MARCHF3: variants seen among roughly 807,000 people sequenced by gnomAD.
MARCHF3 encodes the protein E3 ubiquitin-protein ligase MARCHF3.
In MARCHF3, 13 loss-of-function variants were observed where a neutral mutation model predicts 24.2. The observed-to-expected ratio is 0.54, with a 90% CI of 0.35 to 0.85. MARCHF3 has a LOEUF of 0.85. Among genes scored for constraint, MARCHF3 ranks in the 40% least tolerant of loss-of-function variants. MARCHF3 has a pLI of 0.01. For synonymous variants in MARCHF3, 144 were observed against 137.3 expected (o/e 1.05, Z -0.34); for missense variants, 276 against 325.0 (o/e 0.85, Z 1.16).
chr5:126,950,662 C>G (rs1303016585), intron 1 of MARCHF3, among the ~76,000 whole-genome samples: 1 of 152,194 alleles, frequency 6.6e-6, no homozygotes, highest in Non-Finnish European at 1.5e-5. Flanking sequence ...GTAACTCTGC[C>G]TCTCTTCAAC....
rs147240868 is a variant in MARCHF3, at chr5:127,023,733, AAAATAAATAAATAAATAAAT to A, written c.-57+6597_-57+6616del. Among the ~76,000 whole-genome samples, 38 of 141,418 alleles carry A rather than the reference AAAATAAATAAATAAATAAAT, an allele frequency of 2.7e-4. No homozygotes were observed. In the East Asian group the frequency reaches 3.3e-3, roughly 12 times the overall value. 92.8% of individuals were successfully genotyped at this position (141,418 alleles called of 152,430 possible). On this transcript the variant is annotated intron_variant, in intron 1 of 4. Coordinates refer to ENST00000308660, the MANE Select transcript of MARCHF3 (RefSeq NM_178450.5). ...GTGACATAGCGAGATTCTGTCTCAAAAAATAAATAAATAAATAAATAAATAAATAAATAAATAAATAAATA... is the reference window on the plus strand; with the variant it reads ...GTGACATAGCGAGATTCTGTCTCAAAAAATAAATAAATAAATAAATAAATA...
rs1561461812 is a variant in MARCHF3, at chr5:126,989,340, A to ACTAC, written c.-57+41009_-57+41010insGTAG. 2.2e-3 allele frequency among the ~76,000 whole-genome samples: 307 copies of ACTAC among 138,458 alleles called. 2 individuals carry two copies. Among genetic ancestry groups the ACTAC allele is most frequent in the African/African-American group, 7.8e-3 (270 of 34,500 alleles). 90.8% of individuals were successfully genotyped at this position (138,458 alleles called of 152,430 possible). On this transcript the variant is annotated intron_variant, in intron 1 of 4. Coordinates refer to ENST00000308660, the MANE Select transcript of MARCHF3 (RefSeq NM_178450.5). ...ACTACTACTACTACTACTACTACTA[A>ACTAC]TAATAATAATAATATTAGGACTAAA...
chr5:126,994,289 C>A (rs1751873238), intron 1 of MARCHF3, among the ~76,000 whole-genome samples: 1 of 152,146 alleles, frequency 6.6e-6, no homozygotes, highest in African/African-American at 2.4e-5. Context: ...TATATGACAT[C>A]TTGGAAAAGG....
intron 1 of MARCHF3, among the ~76,000 whole-genome samples, chr5:126,974,307 C>T (rs988198351): frequency 2.0e-5 from 3 of 152,174 alleles, no homozygotes; most frequent in African/African-American, 4.8e-5. Flanking sequence ...AGGCTCCTGG[C>T]CCCCATCCTT....
At chr5:127,004,571 C>T (rs1399438221) in intron 1 of MARCHF3, among the ~76,000 whole-genome samples, 1 of 152,142 alleles carries the variant, frequency 6.6e-6, no homozygotes, top group East Asian at 1.9e-4. Context: ...AAATTCCATA[C>T]CTCCTTTATT....
chr5:126,954,428 C>A (rs1750366856), intron 1 of MARCHF3, among the ~76,000 whole-genome samples: 1 of 151,056 alleles, frequency 6.6e-6, no homozygotes, highest in African/African-American at 2.4e-5. Context: ...TGGAGTGCAG[C>A]GGCATGGCCA....
At chr5:126,979,396 T>C (rs537711678) in intron 1 of MARCHF3, among the ~76,000 whole-genome samples, 7 of 152,324 alleles carry the variant, frequency 4.6e-5, no homozygotes, top group African/African-American at 1.7e-4. Context: ...CCTTATTTGA[T>C]AGGTGAGGAA....
At chr5:126,873,011 T>C (rs976393203) in intron 4 of MARCHF3, among the ~76,000 whole-genome samples, 1 of 152,148 alleles carries the variant, frequency 6.6e-6, no homozygotes, top group African/African-American at 2.4e-5. Context: ...ATAAGGAACT[T>C]TGGCAATATA....
At chr5:126,884,148 A>G (rs1561776898) in intron 3 of MARCHF3, among the ~76,000 whole-genome samples, 1 of 152,200 alleles carries the variant, frequency 6.6e-6, no homozygotes, top group East Asian at 1.9e-4. Flanking sequence ...CAGTGTAATG[A>G]TCAGAAGGTA....
chr5:126,981,422 G>T (rs1751391685), intron 1 of MARCHF3, among the ~76,000 whole-genome samples: 1 of 152,312 alleles, frequency 6.6e-6, no homozygotes, highest in East Asian at 1.9e-4. Context: ...GGCTTTGATG[G>T]AGGAAGCCAT....
intron 1 of MARCHF3, among the ~76,000 whole-genome samples, chr5:126,921,468 AC>A (rs149912140): frequency 0.017 from 2,515 of 152,274 alleles, 65 homozygotes; most frequent in African/African-American, 0.057. Flanking sequence ...CATATGTTGC[AC>A]CTGGGGCAGT....
intron 1 of MARCHF3, among the ~76,000 whole-genome samples, chr5:126,956,442 C>A (rs1750442034): frequency 6.6e-6 from 1 of 151,712 alleles, no homozygotes; most frequent in Non-Finnish European, 1.5e-5. Flanking sequence ...AGTTCGAGAC[C>A]AGCCTGAAAA....
intron 1 of MARCHF3, among the ~76,000 whole-genome samples, chr5:126,938,619 T>G (rs977615361): frequency 1.3e-5 from 2 of 152,094 alleles, no homozygotes; most frequent in Non-Finnish European, 1.5e-5. Context: ...AGTCTCACAC[T>G]GTGGATACAA....
intron 1 of MARCHF3, among the ~76,000 whole-genome samples, chr5:126,957,357 C>T (rs1750483439): frequency 6.6e-6 from 1 of 152,118 alleles, no homozygotes; most frequent in Admixed American, 6.5e-5. Context: ...GGCTATTTGA[C>T]ACATAAGCTT....
At chr5:126,880,444 T>G (rs1264388014) in intron 3 of MARCHF3, among the ~76,000 whole-genome samples, 1 of 152,224 alleles carries the variant, frequency 6.6e-6, no homozygotes, top group Non-Finnish European at 1.5e-5. Context: ...TCCTGCCATG[T>G]GTTGTCATGC....
intron 1 of MARCHF3, among the ~76,000 whole-genome samples, chr5:126,945,353 G>A (rs1749973985): frequency 6.6e-6 from 1 of 152,216 alleles, no homozygotes; most frequent in African/African-American, 2.4e-5. Flanking sequence ...TGCTAGGAAT[G>A]ATAGCACAGA....
intron 1 of MARCHF3, among the ~76,000 whole-genome samples, chr5:127,020,833 G>A (rs747791385): frequency 1.3e-4 from 19 of 151,594 alleles, no homozygotes; most frequent in Non-Finnish European, 2.2e-4. Flanking sequence ...TGGGCAACAC[G>A]GCGAGACCTT....
At chr5:127,027,257 T>G (rs576717008) in intron 1 of MARCHF3, among the ~76,000 whole-genome samples, 181 of 152,206 alleles carry the variant, frequency 1.2e-3, no homozygotes, top group African/African-American at 4.2e-3. Context: ...TAAGGTGACT[T>G]TCAGAAAGTA....
At chr5:126,872,849 G>A (rs959855950) in intron 4 of MARCHF3, among the ~76,000 whole-genome samples, 4 of 152,112 alleles carry the variant, frequency 2.6e-5, no homozygotes, top group African/African-American at 9.7e-5. Context: ...AAGTGGATCA[G>A]TTTGGTTTTT....
Sources: allele counts gnomAD v4.1 joint callset (sites outside exome capture counted in the v4.1 genomes callset), GRCh38; gene constraint gnomAD v4.1.1; transcripts MANE v1.5; gene names NCBI Gene and HGNC (gene_info 2026-07-23, HGNC 2026-07-21).